ADAP2: variants seen among roughly 807,000 people sequenced by gnomAD.
ADAP2 encodes the protein arf-GAP with dual PH domain-containing protein 2.
Under a neutral mutation model 54.9 loss-of-function variants are expected in ADAP2, and 42 were observed. That is an observed-to-expected ratio of 0.77 (90% CI 0.60 to 0.99). The LOEUF is 0.99. Among genes scored for constraint, ADAP2 ranks in the 50% least tolerant of loss-of-function variants. The pLI, the probability that ADAP2 is intolerant of heterozygous loss-of-function variation, is 0.00. For synonymous variants in ADAP2, 177 were observed against 180.1 expected (o/e 0.98, Z 0.14); for missense variants, 429 against 480.4 (o/e 0.89, Z 1.00).
At chr17:30,926,939 G>A (rs570105101) in intron 3 of ADAP2, 21 bp downstream of exon 3, 3 of 1,586,930 alleles carry the variant, frequency 1.9e-6, no homozygotes, top group East Asian at 4.5e-5. Flanking sequence ...GATTCCTTAG[G>A]GACTGGGTGA....
At chr17:30,933,255 T>C (rs1237721554) in intron 4 of ADAP2, among the ~76,000 whole-genome samples, 1 of 152,150 alleles carries the variant, frequency 6.6e-6, no homozygotes, top group Non-Finnish European at 1.5e-5. Context: ...TGGCGTGAAC[T>C]CGGCTCACTG....
intron 10 of ADAP2, chr17:30,956,693 G>T: frequency 3.5e-6 from 2 of 568,014 alleles, no homozygotes; most frequent in Non-Finnish European, 6.2e-6. Flanking sequence ...TTCCCCAGGA[G>T]CTTTTAGAGG....
At position 30,945,071 on chromosome 17, in the gene ADAP2, G is replaced by A; in HGVS notation, c.657+18G>A. 1 of 1,612,198 alleles carries A rather than the reference G, an allele frequency of 6.2e-7. No individual in the cohort carries two copies. The highest frequency in any genetic ancestry group is 8.5e-7 in the Non-Finnish European group (1 of 1,179,186). On this transcript the variant is annotated intron_variant, in intron 6 of 10. Coordinates refer to ENST00000330889, the MANE Select transcript of ADAP2 (RefSeq NM_018404.3). Reference sequence around the variant, plus strand: ...GTGGGAAGGTGAGATGCCTGGAGTTGCCACCTCCGCCTCCAGCTCGCACCC... The same window carrying A: ...GTGGGAAGGTGAGATGCCTGGAGTTACCACCTCCGCCTCCAGCTCGCACCC...
intron 5 of ADAP2, among the ~76,000 whole-genome samples, chr17:30,940,636 A>G (rs1015253223): frequency 6.6e-6 from 1 of 152,198 alleles, no homozygotes; most frequent in African/African-American, 2.4e-5. Context: ...TTAGAAAACA[A>G]AAAGAAGTTA....
intron 9 of ADAP2, among the ~76,000 whole-genome samples, 200 bp from the exon 10 acceptor site, chr17:30,956,041 C>T (rs929508768): frequency 6.6e-6 from 1 of 152,198 alleles, no homozygotes; most frequent in Non-Finnish European, 1.5e-5. Flanking sequence ...CTACCAGGCC[C>T]ACCCTCGGTA....
intron 10 of ADAP2, chr17:30,957,031 G>A (rs975436927): frequency 2.1e-4 from 33 of 156,888 alleles, no homozygotes; most frequent in East Asian, 1.3e-3. Context: ...GCCGAGCTCC[G>A]GCAGGAAACT....
At chr17:30,928,035 A>C (rs1911192885) in intron 3 of ADAP2, among the ~76,000 whole-genome samples, 1 of 151,616 alleles carries the variant, frequency 6.6e-6, no homozygotes, top group South Asian at 2.1e-4. Flanking sequence ...AAAAAAAAAA[A>C]AAGTAGCTAC....
At position 30,922,992 on chromosome 17, in the gene ADAP2, C is replaced by T; in HGVS notation, c.147C>T (p.Cys49=). Residue 49 remains cysteine (C), a synonymous_variant, in exon 2 of 11, where the codon TGC becomes TGT. Coordinates refer to ENST00000330889, the MANE Select transcript of ADAP2 (RefSeq NM_018404.3). The part of the protein sequence containing the change: ...KLGIFICLNC[C]GVHRNFPDIS... ...GGATCTTCATCTGTCTCAACTGCTG[C>T]GGCGTCCACCGTAACTTCCCTGACA... 6.2e-7 allele frequency: 1 copy of T among 1,614,014 alleles called. No individual in the cohort carries two copies. The highest frequency in any genetic ancestry group is 8.5e-7 in the Non-Finnish European group (1 of 1,179,960).
chr17:30,955,144 C>T (rs936205027), intron 9 of ADAP2, among the ~76,000 whole-genome samples: 1 of 151,048 alleles, frequency 6.6e-6, no homozygotes, highest in Non-Finnish European at 1.5e-5. Context: ...GAGTCTCTCT[C>T]TGTCACCCAG....
intron 3 of ADAP2, among the ~76,000 whole-genome samples, 192 bp downstream of exon 3, chr17:30,927,110 G>A (rs1476995595): frequency 6.6e-6 from 1 of 152,084 alleles, no homozygotes; most frequent in Non-Finnish European, 1.5e-5. Flanking sequence ...TTCTGCCTCT[G>A]TTGCTTGGGC....
rs568031143 is a variant in ADAP2, at chr17:30,943,532, T to C, written c.511-1375T>C. 4.5e-4 allele frequency among the ~76,000 whole-genome samples: 68 copies of C among 152,110 alleles called. 1 individual carries two copies. Among genetic ancestry groups the C allele is most frequent in the African/African-American group, 1.5e-3 (64 of 41,514 alleles). ...ATGGAAATGTGGTACATAAACATCA[T>C]AGAATACTACACAGCCATAAAAAAG... On this transcript the variant is annotated intron_variant, in intron 5 of 10. Transcript: ENST00000330889.
At position 30,942,414 on chromosome 17, in the gene ADAP2, C is replaced by T. The variant is rs532703583; in HGVS notation, c.511-2493C>T. Among the ~76,000 whole-genome samples, 8 of 152,238 alleles carry T rather than the reference C, an allele frequency of 5.3e-5. No individual in the cohort carries two copies. In the South Asian group the frequency reaches 1.7e-3, roughly 32 times the overall value. ...AAATATTGGTACAATCACTGTTGAG[C>T]CATTCAGCAGAATAATTTGGCAGTC... On this transcript the variant is annotated intron_variant, in intron 5 of 10. Coordinates refer to ENST00000330889, the MANE Select transcript of ADAP2 (RefSeq NM_018404.3).
At chr17:30,957,335 T>G (rs1006677322) in intron 10 of ADAP2, among the ~76,000 whole-genome samples, 2 of 152,150 alleles carry the variant, frequency 1.3e-5, no homozygotes, top group African/African-American at 4.8e-5. Context: ...CACTTTTCTC[T>G]CCTTTGCTGG....
At chr17:30,923,126 C>G in intron 2 of ADAP2, 56 bp downstream of exon 2, 1 of 1,596,020 alleles carries the variant, frequency 6.3e-7, no homozygotes, top group Non-Finnish European at 8.5e-7. Context: ...GTAGAGGCAG[C>G]GGGCAGGGGG....
chr17:30,926,463 G>A (rs111472918), intron 2 of ADAP2, among the ~76,000 whole-genome samples: 14 of 152,310 alleles, frequency 9.2e-5, no homozygotes, highest in African/African-American at 2.9e-4. Context: ...GAGCTTTGGA[G>A]TCAGGTCTGG....
At chr17:30,943,896 T>C (rs1433767672) in intron 5 of ADAP2, among the ~76,000 whole-genome samples, 2 of 120,060 alleles carry the variant, frequency 1.7e-5, no homozygotes, top group African/African-American at 6.5e-5. Context: ...AATAAATAAA[T>C]AAGAACCAGA....
chr17:30,956,693 G>A (rs767409140), intron 10 of ADAP2: 2 of 567,898 alleles, frequency 3.5e-6, no homozygotes, highest in Admixed American at 3.1e-5. Flanking sequence ...TTCCCCAGGA[G>A]CTTTTAGAGG....
Position 30,949,882 on chromosome 17 carries a change from T to C in ADAP2, c.741+512T>C, listed in dbSNP as rs537602719. ...AGGGGAGCCTGCGGGGGTTACAGCC[T>C]CACATACGACAAGGCGGCCTCCCAA... On this transcript the variant is annotated intron_variant, in intron 7 of 10. Transcript: ENST00000330889. Among the ~76,000 whole-genome samples the C allele has an allele frequency of 7.2e-5, 11 of 152,086 alleles. No individual in the cohort carries two copies. The East Asian group carries it at 1.4e-3, about 19-fold the overall frequency.
At chr17:30,938,631 G>A (rs911157418) in intron 5 of ADAP2, among the ~76,000 whole-genome samples, 1 of 152,142 alleles carries the variant, frequency 6.6e-6, no homozygotes, top group African/African-American at 2.4e-5. Context: ...TGAAATTGTG[G>A]CCAACAAAGT....
Sources: gnomAD v4.1 joint callset for allele counts (sites outside exome capture counted in the v4.1 genomes callset) on GRCh38, gnomAD v4.1.1 for gene constraint, MANE v1.5 for transcripts, NCBI Gene and HGNC (gene_info 2026-07-23, HGNC 2026-07-21) for gene names.